SYNE2: variants seen among roughly 807,000 people sequenced by gnomAD.
The protein encoded by SYNE2 is nesprin-2.
In SYNE2, 431 loss-of-function variants were observed where a neutral mutation model predicts 856.3. That is an observed-to-expected ratio of 0.50 (90% CI 0.47 to 0.55). The LOEUF is 0.55. Among genes scored for constraint, SYNE2 ranks in the 20% least tolerant of loss-of-function variants. SYNE2 has a pLI of 0.00. For missense variants in SYNE2, 8,129 were observed against 8,023.2 expected, an observed-to-expected ratio of 1.01 and a Z score of -0.50; for synonymous variants, 2,923 against 2,872.3, an observed-to-expected ratio of 1.02 and a Z score of -0.56.
rs1468341781 is a variant in SYNE2 at position 64,078,532 on chromosome 14, A to C, written c.11089A>C (p.Asn3697His). 6.2e-7 allele frequency: 1 copy of C among 1,614,024 alleles called. No homozygotes were observed. The highest frequency in any genetic ancestry group is 8.5e-7 in the Non-Finnish European group (1 of 1,179,976). ...GAGGAGAAAAATAGAAGAAATTAAC[A>C]ATGGGCTTCATAATGTTGAAAAGAT... ...AMRRKIEEIN[N>H]GLHNVEKMLQ... The change falls in exon 55 of 116, where the codon AAT becomes CAT. Residue 3697 changes from asparagine to histidine, a missense_variant. By Grantham distance (68) the Asn-to-His change is moderately conservative (BLOSUM62 1). Around this residue, in one of 3 missense-constraint regions of SYNE2, gnomAD observed 5,410 missense variants for 5,284.8 expected, o/e 1.02. Transcript: ENST00000555002.
At chr14:63,868,175 C>A (rs1298186820) in intron 1 of SYNE2, among the ~76,000 whole-genome samples, 1 of 152,108 alleles carries the variant, frequency 6.6e-6, no homozygotes, top group East Asian at 1.9e-4. Context: ...TAAATTATAA[C>A]CCTAGGTATG....
intron 1 of SYNE2, among the ~76,000 whole-genome samples, chr14:63,824,005 AG>A (rs1889324574): frequency 6.6e-6 from 1 of 152,186 alleles, no homozygotes; most frequent in South Asian, 2.1e-4. Context: ...CTAGCACAAC[AG>A]GGTGATTATG....
At chr14:63,781,483 T>C (rs1000676816) in intron 1 of SYNE2, among the ~76,000 whole-genome samples, 4 of 151,820 alleles carry the variant, frequency 2.6e-5, no homozygotes, top group Non-Finnish European at 5.9e-5. Context: ...AGCCACTTTT[T>C]TTTTCTTTTT....
intron 1 of SYNE2, among the ~76,000 whole-genome samples, chr14:63,806,443 T>C (rs1888364479): frequency 1.3e-5 from 2 of 152,190 alleles, no homozygotes; most frequent in Admixed American, 6.6e-5. Flanking sequence ...CTTTTTTTGC[T>C]GTGTCTCTGC....
chr14:64,128,927 A>G (rs534102108), intron 74 of SYNE2, among the ~76,000 whole-genome samples: 1 of 152,346 alleles, frequency 6.6e-6, no homozygotes, highest in Non-Finnish European at 1.5e-5. Flanking sequence ...TGTATTTAGC[A>G]AATATTAATT....
In SYNE2 at chr14:64,202,958, C is replaced by A; in HGVS notation, c.18196C>A (p.Gln6066Lys). Residue 6066 changes from glutamine (Q) to lysine (K), a missense_variant, in exon 100 of 116, where the codon CAG (glutamine) becomes AAG (lysine). Gln to Lys is a moderately conservative substitution (Grantham distance 53). Transcript: ENST00000555002. ...AGAGATCCAGAAGAGGCTCGCTGAG[C>A]AGCAGGTGGGACAATCAGAAATGAG... The part of the protein sequence containing the change: ...DQEIQKRLAE[Q>K]QDLQRDIEQH... The A allele has an allele frequency of 6.2e-7, 1 of 1,614,138 alleles. No individual in the cohort carries two copies. Among genetic ancestry groups the A allele is most frequent in the Non-Finnish European group, 8.5e-7 (1 of 1,180,034 alleles).
intron 10 of SYNE2, among the ~76,000 whole-genome samples, chr14:63,964,483 G>C (rs2096363858): frequency 6.6e-6 from 1 of 152,068 alleles, no homozygotes. Context: ...CCAATCCCTG[G>C]TTTAAAGCAG....
chr14:64,028,272 T>G, intron 43 of SYNE2, among the ~76,000 whole-genome samples: 1 of 152,092 alleles, frequency 6.6e-6, no homozygotes, highest in East Asian at 1.9e-4. Flanking sequence ...TATTTATTTT[T>G]AGAGACAGTG....
Position 64,083,352 on chromosome 14 carries a change from C to T in SYNE2, c.11484+1772C>T, listed in dbSNP as rs61406978. 8.6e-3 allele frequency among the ~76,000 whole-genome samples: 1,286 copies of T among 149,418 alleles called. 20 individuals carry two copies. The highest frequency in any genetic ancestry group is 0.03 in the African/African-American group (1,228 of 40,578). On this transcript the variant is annotated intron_variant, in intron 57 of 115. Coordinates refer to ENST00000555002, the MANE Select transcript of SYNE2 (RefSeq NM_182914.3). ...ACTATTTTTGAGGACTTTACCAAGA[C>T]AAGAGAGAGGAATGATGCTTTTTTT...
At chr14:63,956,583 T>G (rs2096244402) in intron 8 of SYNE2, 1 of 379,448 alleles carries the variant, frequency 2.6e-6, no homozygotes, top group African/African-American at 2.1e-5. Flanking sequence ...ACATACCATA[T>G]GATGTATCAT....
Position 63,990,466 on chromosome 14 carries a change from T to C in SYNE2, c.2369T>C (p.Met790Thr), listed in dbSNP as rs1566986149. The C allele has an allele frequency of 1.9e-6, 3 of 1,613,750 alleles. No homozygotes were observed. Among genetic ancestry groups the C allele is most frequent in the Admixed American group, 1.7e-5 (1 of 60,026 alleles). Residue 790 changes from methionine to threonine, a missense_variant, in exon 20 of 116, where the codon ATG becomes ACG. Met to Thr is a moderately conservative substitution (Grantham distance 81, BLOSUM62 -1). Coordinates refer to ENST00000555002, the MANE Select transcript of SYNE2 (RefSeq NM_182914.3). Reference sequence around the variant, plus strand: ...GAGCTTATGGCAAGAAGTGAAGATATGTTACAAATGGATATACAAAATATT... The same window carrying C: ...GAGCTTATGGCAAGAAGTGAAGATACGTTACAAATGGATATACAAAATATT... ...FDELMARSED[M>T]LQMDIQNISS...
At chr14:64,130,320 A>C in intron 76 of SYNE2, 72 bp downstream of exon 76, 1 of 1,303,972 alleles carries the variant, frequency 7.7e-7, no homozygotes. Flanking sequence ...ATGTGAACAG[A>C]AAGGATCCAT....
At chr14:63,815,205 CAT>C (rs1316734811) in intron 1 of SYNE2, among the ~76,000 whole-genome samples, 1 of 94,612 alleles carries the variant, frequency 1.1e-5, no homozygotes, top group African/African-American at 3.7e-5. Context: ...TATATATATC[CAT>C]ATATATATCC....
chr14:64,062,432 G>C (rs372851838), intron 49 of SYNE2, among the ~76,000 whole-genome samples: 2 of 152,058 alleles, frequency 1.3e-5, no homozygotes, highest in East Asian at 3.9e-4. Context: ...TTTTCCACAA[G>C]AATTGTACCA....
chr14:63,939,562 G>T (rs7159785), intron 2 of SYNE2, among the ~76,000 whole-genome samples: 29,434 of 151,594 alleles, frequency 0.19, 3,248 homozygotes, highest in African/African-American at 0.31. Context: ...TGTCCAGGCT[G>T]GTCTTGAACT....
chr14:64,201,905 C>T (rs565215482), intron 99 of SYNE2, among the ~76,000 whole-genome samples: 2 of 152,290 alleles, frequency 1.3e-5, no homozygotes, highest in Non-Finnish European at 2.9e-5. Flanking sequence ...CAGGACAGAT[C>T]CTGGCTCACC....
chr14:63,893,019 A>G (rs1360852324), intron 1 of SYNE2, among the ~76,000 whole-genome samples: 1 of 152,190 alleles, frequency 6.6e-6, no homozygotes, highest in Admixed American at 6.5e-5. Context: ...AAACAAATAC[A>G]GTGAGGGTCT....
At position 64,003,469 on chromosome 14, in the gene SYNE2, T is replaced by G; in HGVS notation, c.4397+139T>G. 3 of 1,218,230 alleles carry G rather than the reference T, an allele frequency of 2.5e-6. 1 individual carries two copies. In the South Asian group the frequency reaches 3.8e-5, roughly 15 times the overall value. 75.5% of individuals were successfully genotyped at this position (1,218,230 alleles called of 1,614,324 possible). A position where few individuals can be genotyped will look rare whatever the true frequency, so the allele number is the denominator to read the frequency against. The stretch of plus-strand genomic sequence containing the variant: ...CTATTCAGTGTTCAGCATTCTTTTC[T>G]GTAGACTTTTCAAGCAAACTTCCTT... On this transcript the variant is annotated intron_variant, in intron 30 of 115. Transcript: ENST00000555002.
At chr14:63,913,749 A>G (rs951873973) in intron 2 of SYNE2, among the ~76,000 whole-genome samples, 1 of 147,726 alleles carries the variant, frequency 6.8e-6, no homozygotes, top group African/African-American at 2.5e-5. Flanking sequence ...GGCGTGAGCC[A>G]CAACACCTGG....
Sources: gnomAD v4.1 joint callset for allele counts (sites outside exome capture counted in the v4.1 genomes callset) on GRCh38, gnomAD v4.1.1 for gene constraint, gnomAD v4.1.1 regional missense constraint, MANE v1.5 for transcripts, NCBI Gene and HGNC (gene_info 2026-07-23, HGNC 2026-07-21) for gene names.